The following SEMA5A variants were observed in gnomAD, a reference collection of about 807,000 sequenced individuals.
SEMA5A encodes the protein semaphorin 5A, also known as semaphorin-5A.
SEMA5A carries 55 observed loss-of-function variants against 135.5 expected under a neutral mutation model. The observed-to-expected ratio is 0.41, with a 90% CI of 0.33 to 0.51. SEMA5A has a LOEUF of 0.51. Ranked by LOEUF, SEMA5A falls within the 20% of genes least tolerant of loss-of-function variation. The pLI is 0.37. For synonymous variants in SEMA5A, 580 were observed against 546.5 expected, an observed-to-expected ratio of 1.06 and a Z score of -0.85; for missense variants, 1,290 against 1,419.9, an observed-to-expected ratio of 0.91 and a Z score of 1.47.
chr5:9,153,449 A>G (rs1742747263), intron 12 of SEMA5A, among the ~76,000 whole-genome samples: 1 of 152,162 alleles, frequency 6.6e-6, no homozygotes, highest in African/African-American at 2.4e-5. Flanking sequence ...ACTGTGGTTG[A>G]TCGTGGATGT....
intron 9 of SEMA5A, among the ~76,000 whole-genome samples, chr5:9,198,701 T>C (rs1745547330): frequency 1.3e-5 from 2 of 152,208 alleles, no homozygotes. Flanking sequence ...TTTGCTCTTT[T>C]GACTCTTCAT....
chr5:9,333,085 G>A (rs1302251367), intron 4 of SEMA5A, among the ~76,000 whole-genome samples: 1 of 152,188 alleles, frequency 6.6e-6, no homozygotes, highest in African/African-American at 2.4e-5. Flanking sequence ...GTAATTGGAT[G>A]AAAATAACTT....
intron 1 of SEMA5A, among the ~76,000 whole-genome samples, chr5:9,535,815 G>A (rs574918154): frequency 3.9e-5 from 6 of 152,288 alleles, no homozygotes; most frequent in Non-Finnish European, 8.8e-5. Flanking sequence ...ACTGCCCTGC[G>A]GCAAGCCAGG....
intron 2 of SEMA5A, among the ~76,000 whole-genome samples, chr5:9,388,068 C>T (rs1274832195): frequency 6.6e-6 from 1 of 152,214 alleles, no homozygotes; most frequent in African/African-American, 2.4e-5. Context: ...CTACTCACTG[C>T]CACCTTCAGG....
chr5:9,108,430 AC>A, intron 15 of SEMA5A, 143 bp from the exon 16 acceptor site: 1 of 880,656 alleles, frequency 1.1e-6, no homozygotes, highest in Non-Finnish European at 1.7e-6. Flanking sequence ...GAGCAGTTGC[AC>A]CATACAGAAG....
chr5:9,395,020 A>C (rs776940503), intron 2 of SEMA5A, among the ~76,000 whole-genome samples: 1 of 152,220 alleles, frequency 6.6e-6, no homozygotes, highest in Non-Finnish European at 1.5e-5. Context: ...CCTAAGTCGT[A>C]GGAAAATTTT....
intron 1 of SEMA5A, among the ~76,000 whole-genome samples, chr5:9,487,895 C>G (rs1167219831): frequency 6.6e-6 from 1 of 152,126 alleles, no homozygotes; most frequent in Non-Finnish European, 1.5e-5. Context: ...AACTCATACC[C>G]CTACTGAACT....
At chr5:9,454,726 A>T (rs970528119) in intron 1 of SEMA5A, among the ~76,000 whole-genome samples, 2 of 152,182 alleles carry the variant, frequency 1.3e-5, no homozygotes, top group Admixed American at 6.5e-5. Context: ...TCCTCTAGCA[A>T]TGTTTTCCTC....
chr5:9,107,654 T>C (rs1739996017), intron 16 of SEMA5A, among the ~76,000 whole-genome samples: 1 of 152,152 alleles, frequency 6.6e-6, no homozygotes, highest in Non-Finnish European at 1.5e-5. Flanking sequence ...TCCAGGATAC[T>C]CTGAATTTCA....
intron 13 of SEMA5A, among the ~76,000 whole-genome samples, chr5:9,133,776 C>T (rs1172880787): frequency 2.2e-5 from 2 of 89,864 alleles, no homozygotes; most frequent in Non-Finnish European, 6.2e-5. Flanking sequence ...CTTTCCTTTT[C>T]TTTCTTTCTT....
intron 16 of SEMA5A, among the ~76,000 whole-genome samples, chr5:9,085,007 CT>C (rs1738600562): frequency 6.6e-6 from 1 of 152,102 alleles, no homozygotes; most frequent in South Asian, 2.1e-4. Flanking sequence ...AGCAAAGAGA[CT>C]GGTGGCATTT....
At chr5:9,370,730 A>G (rs541353018) in intron 3 of SEMA5A, among the ~76,000 whole-genome samples, 1 of 152,216 alleles carries the variant, frequency 6.6e-6, no homozygotes, top group Non-Finnish European at 1.5e-5. Context: ...CACCACTGCT[A>G]TCCACTGGAG....
intron 13 of SEMA5A, among the ~76,000 whole-genome samples, chr5:9,124,666 G>C (rs1352627898): frequency 1.3e-5 from 2 of 152,292 alleles, no homozygotes; most frequent in East Asian, 3.9e-4. Context: ...ATGTTGGCCA[G>C]GCTGGTCTCG....
chr5:9,136,679 C>T lies in SEMA5A; in HGVS notation c.1482-58G>A, dbSNP rs1016089466. ...GTCGCTTTACCCATGATAAGATACA[C>T]AAGACAAGGCGAACCTGTCCCTTGG... On this transcript the variant is annotated intron_variant, in intron 12 of 22. Coordinates refer to ENST00000382496, the MANE Select transcript of SEMA5A (RefSeq NM_003966.3). The T allele has an allele frequency of 5.8e-6, 8 of 1,374,848 alleles. No individual in the cohort carries two copies. In the African/African-American group the frequency reaches 1.0e-4, roughly 17 times the overall value. The allele number at this position is 1,374,848 out of a possible 1,614,324, so 85.2% of individuals were successfully genotyped here. A position where few individuals can be genotyped will look rare whatever the true frequency, so the allele number is the denominator to read the frequency against.
chr5:9,154,093 A>ATATATATATATATATGTGTGTGTG (rs372321939), intron 12 of SEMA5A, among the ~76,000 whole-genome samples: 16 of 73,470 alleles, frequency 2.2e-4, no homozygotes, highest in South Asian at 5.5e-4. Context: ...ATATATATAT[A>ATATATATATATATATGTGTGTGTG]TGTGTGTGTG....
chr5:9,494,719 GA>G (rs1455267046), intron 1 of SEMA5A, among the ~76,000 whole-genome samples: 2 of 151,844 alleles, frequency 1.3e-5, no homozygotes, highest in Non-Finnish European at 2.9e-5. Context: ...TCTTTTAGAT[GA>G]AAAAACACAG....
rs1806073 is a variant in SEMA5A, at chr5:9,204,199, A to G, written c.647-1959T>C. On this transcript the variant is annotated intron_variant, in intron 8 of 22. Transcript: ENST00000382496. The surrounding 1 kb of genome is among the most constrained non-coding windows in gnomAD (Gnocchi z 6.4). Reference sequence around the variant, plus strand: ...TTGGGAATTGTACTAAAAACAAACAACAACAACAAAAACAGCAACAAGCAA... The same window carrying G: ...TTGGGAATTGTACTAAAAACAAACAGCAACAACAAAAACAGCAACAAGCAA... Among the ~76,000 whole-genome samples, 1,113 of 152,310 alleles carry G rather than the reference A, an allele frequency of 7.3e-3. 5 individuals are homozygous for G. The highest frequency in any genetic ancestry group is 0.012 in the Non-Finnish European group (816 of 68,016).
chr5:9,466,202 C>T (rs1344914023), intron 1 of SEMA5A, among the ~76,000 whole-genome samples: 1 of 151,812 alleles, frequency 6.6e-6, no homozygotes, highest in African/African-American at 2.4e-5. Context: ...AGTCCCCAGG[C>T]ACACCGGGGA....
intron 6 of SEMA5A, among the ~76,000 whole-genome samples, chr5:9,228,565 T>C (rs3846585): frequency 5.9e-5 from 9 of 152,166 alleles, no homozygotes; most frequent in Non-Finnish European, 1.2e-4. Context: ...AGCTCTCATG[T>C]TTTATCACTG....
Sources: allele counts gnomAD v4.1 joint callset (sites outside exome capture counted in the v4.1 genomes callset), GRCh38; gene constraint gnomAD v4.1.1; non-coding constraint Gnocchi (gnomAD v3.1); transcripts MANE v1.5; gene names NCBI Gene and HGNC (gene_info 2026-07-23, HGNC 2026-07-21).